DSC1: variants seen among roughly 807,000 people sequenced by gnomAD.
DSC1 encodes the protein desmocollin-1.
A neutral mutation model predicts 98.8 loss-of-function variants in DSC1; 79 were observed. That is an observed-to-expected ratio of 0.80 (90% CI 0.67 to 0.96). The LOEUF is 0.96. Ranked by LOEUF, DSC1 falls within the 50% of genes least tolerant of loss-of-function variation. The probability of loss-of-function intolerance (pLI) is 0.00; values close to 1 mark genes in which losing one functional copy is unlikely to be tolerated. For missense variants in DSC1, 1,115 were observed against 1,075.9 expected (o/e 1.04, Z -0.51); for synonymous variants, 405 against 372.1 (o/e 1.09, Z -1.02).
At chr18:31,139,710 C>T (rs765748865) in intron 11 of DSC1, 38 bp downstream of exon 11, 8 of 1,509,796 alleles carry the variant, frequency 5.3e-6, no homozygotes, top group South Asian at 4.0e-5. Flanking sequence ...AAAAACATGT[C>T]ATATATTTAT....
intron 9 of DSC1, among the ~76,000 whole-genome samples, chr18:31,141,553 TTTAGTTCA>T (rs1257131811): frequency 6.6e-6 from 1 of 152,182 alleles, no homozygotes; most frequent in African/African-American, 2.4e-5. Flanking sequence ...TTGCTGAATA[TTTAGTTCA>T]ATAGTCTCTT....
Position 31,140,119 on chromosome 18 carries a change from T to C in DSC1, c.1443A>G (p.Gln481=). 1.9e-6 allele frequency: 3 copies of C among 1,614,070 alleles called. No individual in the cohort carries two copies. Among genetic ancestry groups the C allele is most frequent in the Non-Finnish European group, 2.5e-6 (3 of 1,179,944 alleles). Residue 481 remains glutamine (Q), a synonymous_variant, in exon 10 of 16, where the codon CAA becomes CAG. Transcript: ENST00000257198. The part of the protein sequence containing the change: ...CHPPVKVIQS[Q]DGFPAGQELL... Reference sequence around the variant, plus strand: ...GTTCTTGGCCAGCTGGGAAGCCATCTTGACTCTGAATAACTTTCACTGGAG... The same window carrying C: ...GTTCTTGGCCAGCTGGGAAGCCATCCTGACTCTGAATAACTTTCACTGGAG...
rs1988705595 is a variant in DSC1, at chr18:31,140,254, G to T, written c.1308C>A (p.Val436=). 1 of 1,613,996 alleles carries T rather than the reference G, an allele frequency of 6.2e-7. No homozygotes were observed. The highest frequency in any genetic ancestry group is 8.5e-7 in the Non-Finnish European group (1 of 1,179,910). The part of the protein sequence containing the change: ...VNRQVILQVG[V]INEAQFSKAA... ...CTTTAGAGAATTGTGCCTCGTTAAT[G>T]ACACCAACTTGCAAAATAACTTGGC... The change falls in exon 10 of 16, where the codon GTC becomes GTA. Residue 436 remains valine (V), a synonymous_variant. Transcript: ENST00000257198.
rs1317548369 is a variant in DSC1 at position 31,139,269 on chromosome 18, T to A, written c.1663+479A>T. Among the ~76,000 whole-genome samples, 3 of 152,084 alleles carry A rather than the reference T, an allele frequency of 2.0e-5. No individual in the cohort carries two copies. The South Asian group carries it at 6.2e-4, about 32-fold the overall frequency. ...AAAGACTTAAGTCATTGTTTGACCA[T>A]TGCTTTATAAAATAGGATAAATGAT... On this transcript the variant is annotated intron_variant, in intron 11 of 15. Transcript: ENST00000257198.
Position 31,133,959 on chromosome 18 carries a change from A to G in DSC1, c.2048T>C (p.Val683Ala). Residue 683 changes from valine to alanine, a missense_variant, in exon 13 of 16, where the codon GTT becomes GCT. Physicochemically the swap from Val to Ala is moderately conservative, Grantham distance 64. Coordinates refer to ENST00000257198, the MANE Select transcript of DSC1 (RefSeq NM_024421.2). ...CRMKDKSTRD[V>A]RPNVILGRWA... The stretch of plus-strand genomic sequence containing the variant: ...TCTTCCAAGTATTACATTTGGTCTA[A>G]CGTCTCTTGTACTTTTATCCTTCAT... 6.2e-7 allele frequency: 1 copy of G among 1,613,430 alleles called. No individual in the cohort carries two copies. The highest frequency in any genetic ancestry group is 8.5e-7 in the Non-Finnish European group (1 of 1,179,650).
chr18:31,151,266 T>C (rs1162702196), intron 5 of DSC1, among the ~76,000 whole-genome samples: 1 of 152,208 alleles, frequency 6.6e-6, no homozygotes, highest in Non-Finnish European at 1.5e-5. Flanking sequence ...TGGTTTTGTT[T>C]TATTGTGCTA....
intron 9 of DSC1, 45 bp downstream of exon 9, chr18:31,141,952 TGA>T: frequency 6.5e-7 from 1 of 1,536,924 alleles, no homozygotes; most frequent in South Asian, 1.3e-5. Flanking sequence ...AATCAGTGCG[TGA>T]GTTAGGATAT....
At chr18:31,150,329 ACCAC>A (rs1400095037) in intron 5 of DSC1, among the ~76,000 whole-genome samples, 5 of 115,814 alleles carry the variant, frequency 4.3e-5, no homozygotes, top group East Asian at 3.4e-4. Flanking sequence ...CATCATCACC[ACCAC>A]CACTACCATC....
chr18:31,151,296 C>T (rs574798918), intron 5 of DSC1, among the ~76,000 whole-genome samples: 116 of 152,186 alleles, frequency 7.6e-4, no homozygotes, highest in African/African-American at 2.7e-3. Context: ...CAAGTATCTC[C>T]AAAATAAATC....
intron 2 of DSC1, among the ~76,000 whole-genome samples, chr18:31,159,042 A>G (rs1479314999): frequency 1.5e-5 from 1 of 65,022 alleles, no homozygotes; most frequent in Admixed American, 1.9e-4. Flanking sequence ...AGTAGCTACT[A>G]TGTGGTTTTT....
At position 31,156,137 on chromosome 18, in the gene DSC1, T is replaced by C; in HGVS notation, c.377A>G (p.Asp126Gly). The C allele has an allele frequency of 6.2e-7, 1 of 1,614,054 alleles. No homozygotes were observed. Among genetic ancestry groups the C allele is most frequent in the Non-Finnish European group, 8.5e-7 (1 of 1,180,004 alleles). ...TCTCTTGCTGCGCTTGAGGGCTGTG[T>C]CTTTGGTATGTCTCTTCTTAGGAGA... is the stretch of plus-strand genomic sequence containing the variant. The part of the protein sequence containing the change: ...NKSPKKRHTK[D>G]TALKRSKRRW... Residue 126 changes from aspartate (D) to glycine (G), a missense_variant, in exon 4 of 16, where the codon GAC (aspartate) becomes GGC (glycine). By Grantham distance (94) the Asp-to-Gly change is moderately conservative (BLOSUM62 -1). Coordinates refer to ENST00000257198, the MANE Select transcript of DSC1 (RefSeq NM_024421.2).
At position 31,150,384 on chromosome 18, in the gene DSC1, C is replaced by T. The variant is rs1264453801; in HGVS notation, c.628-1742G>A. 1.4e-3 allele frequency among the ~76,000 whole-genome samples: 11 copies of T among 8,034 alleles called. 1 individual carries two copies. The highest frequency in any genetic ancestry group is 3.6e-3 in the African/African-American group (9 of 2,504). The allele number at this position is 8,034 out of a possible 152,430, so 5.3% of individuals were successfully genotyped here. ...ATCATCACCACCACCATCATCACCACCATCACCACCATTATCACCACCACC... is the reference window on the plus strand; with the variant it reads ...ATCATCACCACCACCATCATCACCATCATCACCACCATTATCACCACCACC... On this transcript the variant is annotated intron_variant, in intron 5 of 15. Coordinates refer to ENST00000257198, the MANE Select transcript of DSC1 (RefSeq NM_024421.2).
rs548396161 is a variant in DSC1 at position 31,144,520 on chromosome 18, A to G, written c.940-729T>C. ...AGCCAATCTTAAAAGCCTACATACT[A>G]TATGATTTCAACTATATGACATTCT... is the stretch of plus-strand genomic sequence containing the variant. On this transcript the variant is annotated intron_variant, in intron 7 of 15. Transcript: ENST00000257198. 2.0e-5 allele frequency among the ~76,000 whole-genome samples: 3 copies of G among 152,332 alleles called. No individual in the cohort carries two copies. In the South Asian group the frequency reaches 6.2e-4, roughly 32 times the overall value.
intron 5 of DSC1, among the ~76,000 whole-genome samples, chr18:31,154,269 A>G: frequency 7.6e-6 from 1 of 132,092 alleles, no homozygotes; most frequent in African/African-American, 2.6e-5. Flanking sequence ...AGTGAGAGAA[A>G]GGGATGCAAA....
At position 31,154,904 on chromosome 18, in the gene DSC1, T is replaced by G; in HGVS notation, c.497A>C (p.Tyr166Ser). 6.2e-7 allele frequency: 1 copy of G among 1,613,946 alleles called. No homozygotes were observed. The highest frequency in any genetic ancestry group is 8.5e-7 in the Non-Finnish European group (1 of 1,179,952). The change falls in exon 5 of 16, where the codon TAC becomes TCC. Residue 166 changes from tyrosine (Y) to serine (S), a missense_variant. By Grantham distance (144) the Tyr-to-Ser change is moderately radical (BLOSUM62 -2). Coordinates refer to ENST00000257198, the MANE Select transcript of DSC1 (RefSeq NM_024421.2). ...QQIQSDAAQN[Y>S]TIFYSISGPG... ...CCCACTTATGGAATAAAAGATGGTG[T>G]AATTCTGTGCAGCATCAGATTGGAT...
intron 1 of DSC1, among the ~76,000 whole-genome samples, chr18:31,160,112 T>G (rs1989182757): frequency 6.6e-6 from 1 of 152,134 alleles, no homozygotes; most frequent in African/African-American, 2.4e-5. Flanking sequence ...AAGAAATATA[T>G]GTCAAAATAT....
At position 31,132,697 on chromosome 18, in the gene DSC1, G is replaced by T. The variant is rs754015998; in HGVS notation, c.2117-8C>A. On this transcript the variant is annotated splice_region_variant and splice_polypyrimidine_tract_variant and intron_variant, in intron 13 of 15. Transcript: ENST00000257198. ...AACATGTAAACAGAATACCTAAAAA[G>T]CAAAAAAGATCAAAGTAAAACACAG... 3 of 1,601,120 alleles carry T rather than the reference G, an allele frequency of 1.9e-6. No homozygotes were observed. The African/African-American group carries it at 4.0e-5, about 22-fold the overall frequency.
intron 13 of DSC1, 67 bp downstream of exon 13, chr18:31,133,824 A>G: frequency 2.0e-6 from 3 of 1,481,260 alleles, no homozygotes; most frequent in East Asian, 4.9e-5. Context: ...AAAAACTTCC[A>G]TGTTTTAAAA....
At chr18:31,160,860 C>T (rs1224740567) in intron 1 of DSC1, among the ~76,000 whole-genome samples, 3 of 152,056 alleles carry the variant, frequency 2.0e-5, no homozygotes, top group African/African-American at 7.2e-5. Context: ...GTACATATAC[C>T]TATACCTATA....
Sources: allele counts gnomAD v4.1 joint callset (sites outside exome capture counted in the v4.1 genomes callset), GRCh38; gene constraint gnomAD v4.1.1; transcripts MANE v1.5; gene names NCBI Gene and HGNC (gene_info 2026-07-23, HGNC 2026-07-21).